Variants in PCDH15 observed in about 807,000 individuals in gnomAD.
PCDH15 encodes protocadherin related 15.
PCDH15 carries 129 observed loss-of-function variants against 178.5 expected under a neutral mutation model. That is an observed-to-expected ratio of 0.72 (90% confidence interval 0.63 to 0.84). The LOEUF is 0.84. Ranked by LOEUF, PCDH15 falls within the 40% of genes least tolerant of loss-of-function variation. The pLI is 0.00. For missense variants in PCDH15, 2,230 were observed against 2,099.9 expected (o/e 1.06, Z -1.21); for synonymous variants, 800 against 732.0 (o/e 1.09, Z -1.50).
chr10:54,509,140 T>C (rs577029187), intron 3 of PCDH15, among the ~76,000 whole-genome samples: 1 of 152,194 alleles, frequency 6.6e-6, no homozygotes, highest in African/African-American at 2.4e-5. Context: ...AAACTGGTTA[T>C]TGACACTTAT....
chr10:55,160,635 T>C lies in PCDH15; in HGVS notation c.-80+5941A>G, dbSNP rs114128401. On this transcript the variant is annotated intron_variant, in intron 2 of 5. Transcript: ENST00000458638. ...GCTAACGTTCTTCAGCACCTTTGCA[T>C]TTCTGTTGCATCAAGTATATGGCAC... Among the ~76,000 whole-genome samples, 1,391 of 152,142 alleles carry C rather than the reference T, an allele frequency of 9.1e-3. 20 individuals carry two copies. The highest frequency in any genetic ancestry group is 0.029 in the African/African-American group (1,211 of 41,520).
At chr10:54,401,408 A>G (rs114176692) in intron 3 of PCDH15, among the ~76,000 whole-genome samples, 2,662 of 152,022 alleles carry the variant, frequency 0.018, 74 homozygotes, top group African/African-American at 0.059. Flanking sequence ...CAATGTTTCA[A>G]TTATAACTGT....
chr10:55,173,269 T>C (rs1034608872), intron 1 of PCDH15, among the ~76,000 whole-genome samples: 2 of 150,226 alleles, frequency 1.3e-5, no homozygotes, highest in African/African-American at 4.9e-5. Context: ...GGAGGGGAAG[T>C]GACAAAATAG....
At chr10:54,609,012 C>T (rs1284324174) in intron 2 of PCDH15, among the ~76,000 whole-genome samples, 1 of 152,034 alleles carries the variant, frequency 6.6e-6, no homozygotes, top group Non-Finnish European at 1.5e-5. Context: ...TCACGCACTA[C>T]AAGCGCACGA....
intron 2 of PCDH15, among the ~76,000 whole-genome samples, chr10:54,598,769 G>C (rs2092365575): frequency 6.6e-6 from 1 of 152,156 alleles, no homozygotes; most frequent in African/African-American, 2.4e-5. Context: ...AACAACTTCA[G>C]CAAAGTATCA....
intron 3 of PCDH15, among the ~76,000 whole-genome samples, chr10:54,851,958 T>C (rs961813683): frequency 1.3e-5 from 2 of 152,218 alleles, no homozygotes; most frequent in Non-Finnish European, 2.9e-5. Flanking sequence ...AATTGGCCAC[T>C]TTTTGAATTG....
Position 54,275,956 on chromosome 10 carries a change from A to C in PCDH15, c.877-39025T>G, listed in dbSNP as rs139648358. Among the ~76,000 whole-genome samples the C allele has an allele frequency of 5.0e-3, 759 of 151,962 alleles. 13 individuals are homozygous for C. The highest frequency in any genetic ancestry group is 0.044 in the South Asian group (210 of 4,822). On this transcript the variant is annotated intron_variant, in intron 8 of 37. Coordinates refer to ENST00000644397, the MANE Select transcript of PCDH15 (RefSeq NM_001384140.1). ...ACAATTAATTATTTATGTGGAAAAA[A>C]GTAAAGTTGACTCATTATCCTGCCC...
At chr10:54,178,512 GAAT>G (rs1403896807) in intron 13 of PCDH15, among the ~76,000 whole-genome samples, 1 of 152,016 alleles carries the variant, frequency 6.6e-6, no homozygotes, top group Non-Finnish European at 1.5e-5. Flanking sequence ...CAAAAAAATA[GAAT>G]AATTGGTGGA....
intron 18 of PCDH15, among the ~76,000 whole-genome samples, chr10:54,047,913 T>A (rs72794974): frequency 0.22 from 33,350 of 152,104 alleles, 3,839 homozygotes; most frequent in African/African-American, 0.24. Context: ...ATGATGTATT[T>A]TCCTTTGGGT....
intron 1 of PCDH15, among the ~76,000 whole-genome samples, chr10:55,218,565 G>C (rs1022908466): frequency 4.6e-5 from 7 of 152,022 alleles, no homozygotes; most frequent in African/African-American, 1.7e-4. Context: ...AGCAATACAT[G>C]TGGAGCACTT....
chr10:54,498,436 A>G (rs1403678139), intron 3 of PCDH15, among the ~76,000 whole-genome samples: 1 of 152,172 alleles, frequency 6.6e-6, no homozygotes, highest in Non-Finnish European at 1.5e-5. Context: ...CTGTGATGAC[A>G]TAAAACCCTC....
At chr10:55,432,534 ATAG>A (rs1355604266) in intron 2 of PCDH15, among the ~76,000 whole-genome samples, 1 of 152,172 alleles carries the variant, frequency 6.6e-6, no homozygotes, top group African/African-American at 2.4e-5. Context: ...TAAGAGAACA[ATAG>A]TGACTTGGGA....
intron 1 of PCDH15, among the ~76,000 whole-genome samples, chr10:55,222,758 T>C (rs377704199): frequency 0.29 from 39,358 of 133,472 alleles, 6,796 homozygotes; most frequent in Middle Eastern, 0.4. Flanking sequence ...TATATATATA[T>C]ATATATATAT....
At chr10:54,421,895 CTA>C (rs1413869497) in intron 3 of PCDH15, among the ~76,000 whole-genome samples, 44 of 61,586 alleles carry the variant, frequency 7.1e-4, no homozygotes, top group Middle Eastern at 0.012. Context: ...CACACACACA[CTA>C]TATATATATA....
intron 2 of PCDH15, among the ~76,000 whole-genome samples, chr10:55,570,342 G>C (rs1842385261): frequency 6.6e-6 from 1 of 151,942 alleles, no homozygotes; most frequent in Non-Finnish European, 1.5e-5. Flanking sequence ...TCACATTTTA[G>C]AGCTAGTCTT....
At chr10:54,719,700 C>A (rs2132482023) in intron 1 of PCDH15, among the ~76,000 whole-genome samples, 1 of 151,930 alleles carries the variant, frequency 6.6e-6, no homozygotes, top group East Asian at 1.9e-4. Flanking sequence ...CCGACTGGCC[C>A]CGGTGTGTTT....
intron 3 of PCDH15, among the ~76,000 whole-genome samples, chr10:54,827,353 C>T (rs1280436929): frequency 6.6e-6 from 1 of 152,054 alleles, no homozygotes; most frequent in Admixed American, 6.6e-5. Context: ...GTCAAACAAA[C>T]AGCAGATGAT....
intron 3 of PCDH15, among the ~76,000 whole-genome samples, chr10:54,892,347 G>A (rs150736114): frequency 0.02 from 3,021 of 152,068 alleles, 45 homozygotes; most frequent in Non-Finnish European, 0.03. Flanking sequence ...TGATCTAACT[G>A]TAAGAATAAT....
At chr10:55,178,324 G>T (rs1747543335) in intron 1 of PCDH15, among the ~76,000 whole-genome samples, 1 of 152,100 alleles carries the variant, frequency 6.6e-6, no homozygotes, top group Admixed American at 6.6e-5. Context: ...TGGGAGGGCT[G>T]CATAAGAGAA....
Sources: allele counts gnomAD v4.1 joint callset (sites outside exome capture counted in the v4.1 genomes callset), GRCh38; gene constraint gnomAD v4.1.1; transcripts MANE v1.5; gene names NCBI Gene and HGNC (gene_info 2026-07-23, HGNC 2026-07-21).